ARAP1: variants seen among roughly 807,000 people sequenced by gnomAD.
ARAP1 encodes ArfGAP with RhoGAP domain, ankyrin repeat and PH domain 1.
In ARAP1, 76 loss-of-function variants were observed where a neutral mutation model predicts 172.2. The observed-to-expected ratio is 0.44, with a 90% CI of 0.37 to 0.53. The LOEUF is 0.53. Among genes scored for constraint, ARAP1 ranks in the 20% least tolerant of loss-of-function variants. The pLI, the probability that ARAP1 is intolerant of heterozygous loss-of-function variation, is 0.00. For synonymous variants in ARAP1, 804 were observed against 803.3 expected (o/e 1.00, Z -0.01); for missense variants, 1,686 against 1,977.5 (o/e 0.85, Z 2.80).
Position 72,699,699 on chromosome 11 carries a change from T to C in ARAP1, c.2303-147A>G. ...CCCTAAATCCATCCACCTCTCTGCA[T>C]CCCCACCACGCTAGCCAGCCCACAA... On this transcript the variant is annotated intron_variant, in intron 16 of 34. Transcript: ENST00000393609. The surrounding 1 kb of genome is among the most constrained non-coding windows in gnomAD (Gnocchi z 4.2). 1.8e-6 allele frequency: 2 copies of C among 1,137,856 alleles called. No homozygotes were observed. Among genetic ancestry groups the C allele is most frequent in the South Asian group, 3.1e-5 (2 of 64,314 alleles). 70.5% of individuals were successfully genotyped at this position (1,137,856 alleles called of 1,614,324 possible).
intron 1 of ARAP1, among the ~76,000 whole-genome samples, chr11:72,737,839 G>A (rs1480209387): frequency 6.6e-6 from 1 of 152,140 alleles, no homozygotes; most frequent in Non-Finnish European, 1.5e-5. Context: ...GCCCAGGCTG[G>A]TCTCGAACTC....
At chr11:72,724,728 G>A (rs558886977) in intron 3 of ARAP1, among the ~76,000 whole-genome samples, 2 of 152,318 alleles carry the variant, frequency 1.3e-5, no homozygotes, top group East Asian at 1.9e-4. Context: ...CAGGACACAG[G>A]AAGCCAGGCT....
intron 3 of ARAP1, among the ~76,000 whole-genome samples, chr11:72,723,231 C>T (rs964188961): frequency 1.3e-5 from 2 of 151,986 alleles, no homozygotes; most frequent in African/African-American, 4.8e-5. Flanking sequence ...TTGCTTGAGC[C>T]CAGGAGTTCG....
At chr11:72,727,558 C>T (rs886335173) in intron 2 of ARAP1, among the ~76,000 whole-genome samples, 4 of 152,192 alleles carry the variant, frequency 2.6e-5, no homozygotes, top group Non-Finnish European at 4.4e-5. Context: ...GCAAGACCCA[C>T]GGCAGGGCTA....
intron 31 of ARAP1, among the ~76,000 whole-genome samples, chr11:72,687,973 G>A (rs1699856844): frequency 6.7e-6 from 1 of 150,374 alleles, no homozygotes; most frequent in Non-Finnish European, 1.5e-5. Flanking sequence ...GTAGGAATGG[G>A]GTGACACCTG....
In ARAP1 at chr11:72,685,504, C is replaced by T. The variant is rs572847266; in HGVS notation, c.*160G>A. ...GACCCCTGCTGCCTCCCACCCCTGC[C>T]GGGGAACCCCATGCTGCAGTCAGGA... On this transcript the variant is annotated 3_prime_UTR_variant, in exon 35 of 35. Transcript: ENST00000393609. The T allele has an allele frequency of 1.9e-5, 20 of 1,040,232 alleles. No homozygotes were observed. Among genetic ancestry groups the T allele is most frequent in the Middle Eastern group, 2.4e-4 (1 of 4,102 alleles). The allele number at this position is 1,040,232 out of a possible 1,614,324, so 64.4% of individuals were successfully genotyped here.
chr11:72,688,472 T>A lies in ARAP1; in HGVS notation c.4053A>T (p.Lys1351Asn). The change falls in exon 31 of 35, where the codon AAA (lysine) becomes AAT (asparagine). Residue 1351 changes from lysine to asparagine, a missense_variant. Physicochemically the swap from Lys to Asn is moderately conservative, Grantham distance 94 (BLOSUM62 0). This residue lies in a region of ARAP1 where 379 missense variants were observed against 500.1 expected (regional missense o/e 0.76). Coordinates refer to ENST00000393609, the MANE Select transcript of ARAP1 (RefSeq NM_001040118.3). ...SLKVYLGVKK[K>N]LRPPTCWGFT... is the part of the protein sequence containing the mutation. ...CAGCTTACCAGGTGGGTGGCCTGAGTTTCTTCTTCACTCCCAGGTAGACTT... is the reference window on the plus strand; with the variant it reads ...CAGCTTACCAGGTGGGTGGCCTGAGATTCTTCTTCACTCCCAGGTAGACTT... 6.2e-7 allele frequency: 1 copy of A among 1,611,984 alleles called. No individual in the cohort carries two copies. The highest frequency in any genetic ancestry group is 8.5e-7 in the Non-Finnish European group (1 of 1,179,148).
Position 72,693,781 on chromosome 11 carries a change from T to A in ARAP1, c.3719A>T (p.Lys1240Met). Reference sequence around the variant, plus strand: ...CAGCCCGTGCAGGATGGGCAGCACCTTCTCCGCAAAGTGCAGGGGGCGCTC... The same window carrying A: ...CAGCCCGTGCAGGATGGGCAGCACCATCTCCGCAAAGTGCAGGGGGCGCTC... ...EAERPLHFAE[K>M]VLPILHGLGT... is the part of the protein sequence containing the mutation. Residue 1240 changes from lysine to methionine, a missense_variant, in exon 28 of 35, where the codon AAG (lysine) becomes ATG (methionine). Lys to Met is a moderately conservative substitution (Grantham distance 95, BLOSUM62 -1). Coordinates refer to ENST00000393609, the MANE Select transcript of ARAP1 (RefSeq NM_001040118.3). This position sits in a 1 kb window ranked among gnomAD's most constrained non-coding sequence, Gnocchi z 4.6. 1 of 1,608,038 alleles carries A rather than the reference T, an allele frequency of 6.2e-7. No homozygotes were observed. The highest frequency in any genetic ancestry group is 8.5e-7 in the Non-Finnish European group (1 of 1,177,374).
intron 33 of ARAP1, 148 bp downstream of exon 33, chr11:72,687,291 A>T: frequency 9.7e-7 from 1 of 1,030,364 alleles, no homozygotes; most frequent in Non-Finnish European, 1.5e-6. Flanking sequence ...GGAAGGGTTT[A>T]TTGAATAAAC....
rs182557258 is a variant in ARAP1 at position 72,736,701 on chromosome 11, G to A, written c.-127-4104C>T. Among the ~76,000 whole-genome samples, 315 of 151,924 alleles carry A rather than the reference G, an allele frequency of 2.1e-3. 1 individual carries two copies. Among genetic ancestry groups the A allele is most frequent in the African/African-American group, 7.4e-3 (306 of 41,372 alleles). On this transcript the variant is annotated intron_variant, in intron 1 of 34. Coordinates refer to ENST00000393609, the MANE Select transcript of ARAP1 (RefSeq NM_001040118.3). ...TCCTTCTCTCTCATGTCCCTCCAGC[G>A]TCTCTCCACTGTGCCAACTACAGTC... is the stretch of plus-strand genomic sequence containing the variant.
chr11:72,712,466 C>T lies in ARAP1; in HGVS notation c.850G>A (p.Asp284Asn), dbSNP rs1857066043. ...SGDDQGDEEE[D>N]DHAYEGVPNG... is the part of the protein sequence containing the mutation. ...GGGACGCCCTCATAGGCGTGGTCAT[C>T]CTCTTCCTCATCCCCTTGGTCGTCC... The change falls in exon 6 of 35, where the codon GAT becomes AAT. Residue 284 changes from aspartate (D) to asparagine (N), a missense_variant. Coordinates refer to ENST00000393609, the MANE Select transcript of ARAP1 (RefSeq NM_001040118.3). 6.2e-7 allele frequency: 1 copy of T among 1,603,590 alleles called. No homozygotes were observed. Among genetic ancestry groups the T allele is most frequent in the African/African-American group, 1.3e-5 (1 of 74,724 alleles).
intron 20 of ARAP1, 50 bp from the exon 21 acceptor site, chr11:72,697,536 G>T: frequency 6.2e-7 from 1 of 1,613,096 alleles, no homozygotes; most frequent in Non-Finnish European, 8.5e-7. Context: ...ATCCCACCCT[G>T]TCCCCAGGCC....
intron 30 of ARAP1, 104 bp downstream of exon 30, chr11:72,692,649 C>T: frequency 6.8e-7 from 1 of 1,474,492 alleles, no homozygotes; most frequent in South Asian, 1.1e-5. Flanking sequence ...GGGATCCATG[C>T]CTGGAGATGG....
At position 72,734,159 on chromosome 11, in the gene ARAP1, T is replaced by TA. The variant is rs1857944157; in HGVS notation, c.-127-1563_-127-1562insT. ...TTTTTGAGACAGGGTCTTGCTCTGTTGCCCAGGCTGGAGTGTAGTAGTGCA... is the reference window on the plus strand; with the variant it reads ...TTTTTGAGACAGGGTCTTGCTCTGTTAGCCCAGGCTGGAGTGTAGTAGTGCA... On this transcript the variant is annotated intron_variant, in intron 1 of 34. Transcript: ENST00000393609. Among the ~76,000 whole-genome samples the TA allele has an allele frequency of 2.0e-5, 3 of 152,284 alleles. No homozygotes were observed. The South Asian group carries it at 6.2e-4, about 32-fold the overall frequency.
intron 3 of ARAP1, among the ~76,000 whole-genome samples, chr11:72,718,834 C>T (rs1346511211): frequency 6.6e-6 from 1 of 152,140 alleles, no homozygotes; most frequent in Non-Finnish European, 1.5e-5. Flanking sequence ...GCAGCTTGTG[C>T]AGAAGTTGAG....
At chr11:72,711,403 T>C in intron 8 of ARAP1, 27 bp downstream of exon 8, 1 of 1,600,114 alleles carries the variant, frequency 6.2e-7, no homozygotes, top group Non-Finnish European at 8.6e-7. Flanking sequence ...GGAGCAGGGG[T>C]CGCGTCAGGA....
chr11:72,685,307 TTC>T lies in ARAP1; in HGVS notation c.*355_*356del. On this transcript the variant is annotated 3_prime_UTR_variant, in exon 35 of 35. Coordinates refer to ENST00000393609, the MANE Select transcript of ARAP1 (RefSeq NM_001040118.3). ...TTGTTGGGAGGAGCAGGGGGCTCCC[TTC>T]CGGCAGGGCCCCAGGGCCTCACGCC... 3.1e-6 allele frequency: 1 copy of T among 326,686 alleles called. No individual in the cohort carries two copies. The highest frequency in any genetic ancestry group is 5.8e-6 in the Non-Finnish European group (1 of 173,528). The allele number at this position is 326,686 out of a possible 1,614,324, so 20.2% of individuals were successfully genotyped here.
intron 3 of ARAP1, among the ~76,000 whole-genome samples, chr11:72,719,489 C>T (rs563428939): frequency 3.3e-5 from 5 of 152,290 alleles, no homozygotes; most frequent in Admixed American, 2.6e-4. Flanking sequence ...CCTTCCTCTC[C>T]GAGCCTCAGT....
rs946817826 is a variant in ARAP1, at chr11:72,741,419, A to G, written c.-127-8822T>C. On this transcript the variant is annotated intron_variant, in intron 1 of 34. Transcript: ENST00000393609. The surrounding 1 kb of genome is among the most constrained non-coding windows in gnomAD (Gnocchi z 4.5). The stretch of plus-strand genomic sequence containing the variant: ...AGAAAGGTGACTCAACCAGCCCCAC[A>G]CCTACAGAGACCTGGGGCGCTCCCA... 1.2e-4 allele frequency among the ~76,000 whole-genome samples: 18 copies of G among 152,038 alleles called. No homozygotes were observed. The highest frequency in any genetic ancestry group is 7.9e-4 in the Admixed American group (12 of 15,278).
Sources: allele counts gnomAD v4.1 joint callset (sites outside exome capture counted in the v4.1 genomes callset), GRCh38; gene constraint gnomAD v4.1.1; regional missense constraint gnomAD v4.1.1; non-coding constraint Gnocchi (gnomAD v3.1); transcripts MANE v1.5; gene names NCBI Gene and HGNC (gene_info 2026-07-23, HGNC 2026-07-21).